Variants in RERE observed in about 807,000 individuals in gnomAD.
RERE encodes the protein arginine-glutamic acid dipeptide repeats.
In RERE, 40 loss-of-function variants were observed where a neutral mutation model predicts 146.1. The ratio of observed to expected loss-of-function variants is 0.27; its 90% CI spans 0.21 to 0.36. The LOEUF is 0.36. Ranked by LOEUF, RERE falls within the 10% of genes least tolerant of loss-of-function variation. RERE has a pLI of 1.00. For synonymous variants in RERE, 1,003 were observed against 866.0 expected, an observed-to-expected ratio of 1.16 and a Z score of -2.78; for missense variants, 1,933 against 2,138.7, an observed-to-expected ratio of 0.90 and a Z score of 1.90.
intron 1 of RERE, among the ~76,000 whole-genome samples, chr1:8,701,000 G>A (rs1283509066): frequency 6.6e-6 from 1 of 152,096 alleles, no homozygotes; most frequent in Non-Finnish European, 1.5e-5. Context: ...TTAAAAGCAA[G>A]CACGGTGGCA....
chr1:8,368,197 C>T (rs190610997), intron 12 of RERE, among the ~76,000 whole-genome samples: 69 of 152,104 alleles, frequency 4.5e-4, no homozygotes, highest in African/African-American at 1.4e-3. Flanking sequence ...TGGCCAGGTG[C>T]GGTGGCTCAC....
intron 12 of RERE, among the ~76,000 whole-genome samples, chr1:8,418,234 T>G (rs560704423): frequency 6.6e-6 from 1 of 152,302 alleles, no homozygotes; most frequent in East Asian, 1.9e-4. Flanking sequence ...GGGAAGTGAA[T>G]GAAAATGAGT....
At chr1:8,784,459 T>C (rs1292499662) in intron 1 of RERE, among the ~76,000 whole-genome samples, 2 of 151,450 alleles carry the variant, frequency 1.3e-5, no homozygotes, top group Non-Finnish European at 3.0e-5. Context: ...TAGGTTTGCT[T>C]GGGGTTTTTT....
intron 1 of RERE, among the ~76,000 whole-genome samples, chr1:8,725,887 C>G (rs1275000434): frequency 6.6e-6 from 1 of 151,986 alleles, no homozygotes; most frequent in Non-Finnish European, 1.5e-5. Flanking sequence ...AACATTAACA[C>G]AGACATTCAC....
rs35349056 is a variant in RERE, at chr1:8,607,725, C to CTTTTTTT, written c.522+6829_522+6835dup. On this transcript the variant is annotated intron_variant, in intron 4 of 22. Transcript: ENST00000400908. ...CACAGCCACACAACACCATATCTGG[C>CTTTTTTT]TTTTTTTTTTTTTTTTTTGAGATGG... 9.9e-4 allele frequency among the ~76,000 whole-genome samples: 92 copies of CTTTTTTT among 92,904 alleles called. 5 individuals are homozygous for CTTTTTTT. The highest frequency in any genetic ancestry group is 4.0e-3 in the African/African-American group (89 of 22,066). 60.9% of individuals were successfully genotyped at this position (92,904 alleles called of 152,430 possible).
chr1:8,357,787 G>A (rs1384629310), intron 20 of RERE, among the ~76,000 whole-genome samples: 3 of 152,264 alleles, frequency 2.0e-5, no homozygotes, highest in Non-Finnish European at 4.4e-5. Context: ...CTCCTCAAGG[G>A]AAGAGGACTG....
chr1:8,386,032 T>G (rs866159067), intron 12 of RERE, among the ~76,000 whole-genome samples: 1 of 79,384 alleles, frequency 1.3e-5, no homozygotes, highest in African/African-American at 8.2e-5. Flanking sequence ...ATTTTTTTTT[T>G]TTTTTTTTTT....
At chr1:8,678,592 C>A in intron 1 of RERE, among the ~76,000 whole-genome samples, 1 of 150,268 alleles carries the variant, frequency 6.7e-6, no homozygotes, top group African/African-American at 2.5e-5. Context: ...ACCTGGGAGG[C>A]GGAGGTTGCA....
chr1:8,487,292 A>G (rs1644914584), intron 10 of RERE, among the ~76,000 whole-genome samples: 1 of 152,200 alleles, frequency 6.6e-6, no homozygotes, highest in South Asian at 2.1e-4. Context: ...GATTAAAAAA[A>G]CAAAGAAAGG....
chr1:8,427,637 TAA>T (rs33996085), intron 11 of RERE, among the ~76,000 whole-genome samples: 23 of 116,326 alleles, frequency 2.0e-4, no homozygotes, highest in African/African-American at 2.6e-4. Context: ...GGCCCCACTT[TAA>T]AAAAAAAAAA....
intron 1 of RERE, among the ~76,000 whole-genome samples, chr1:8,686,880 G>A (rs546638862): frequency 2.0e-5 from 3 of 152,272 alleles, no homozygotes; most frequent in South Asian, 2.1e-4. Context: ...AAAGCGGGAC[G>A]GTGAGCTACA....
chr1:8,493,547 A>G (rs1294293074), intron 10 of RERE, among the ~76,000 whole-genome samples: 2 of 152,220 alleles, frequency 1.3e-5, no homozygotes, highest in African/African-American at 4.8e-5. Flanking sequence ...AGCAAGCTGC[A>G]CAGTAGATTT....
chr1:8,409,598 T>C (rs959704369), intron 12 of RERE, among the ~76,000 whole-genome samples: 7 of 152,224 alleles, frequency 4.6e-5, no homozygotes, highest in Admixed American at 1.3e-4. Flanking sequence ...TTTTTGTTTA[T>C]GAGAGGGCAA....
chr1:8,397,606 C>T (rs1243471519), intron 12 of RERE, among the ~76,000 whole-genome samples: 1 of 149,804 alleles, frequency 6.7e-6, no homozygotes, highest in Non-Finnish European at 1.5e-5. Context: ...AAAAAAAACA[C>T]ATGAAACTGT....
intron 12 of RERE, among the ~76,000 whole-genome samples, chr1:8,397,693 C>T (rs1167045673): frequency 7.2e-5 from 11 of 152,106 alleles, no homozygotes; most frequent in Non-Finnish European, 8.8e-5. Flanking sequence ...CCTTGAGGAT[C>T]CACGCGCCTT....
chr1:8,596,168 G>A (rs12134896), intron 4 of RERE, among the ~76,000 whole-genome samples: 24,668 of 152,124 alleles, frequency 0.16, 2,405 homozygotes, highest in Middle Eastern at 0.25. Context: ...AAAACTATCT[G>A]GCCCCTAATA....
intron 1 of RERE, chr1:8,750,306 T>C (rs1404813064): frequency 1.9e-5 from 11 of 568,022 alleles, no homozygotes; most frequent in Non-Finnish European, 3.4e-5. Context: ...TAACGGAAGA[T>C]GAGGGCTAAG....
intron 4 of RERE, among the ~76,000 whole-genome samples, chr1:8,613,212 T>C (rs746532961): frequency 6.6e-6 from 1 of 152,020 alleles, no homozygotes; most frequent in Non-Finnish European, 1.5e-5. Context: ...TTGCCTAGAG[T>C]AAAAAAGCTT....
chr1:8,397,152 C>A (rs1372743786), intron 12 of RERE, among the ~76,000 whole-genome samples: 1 of 152,202 alleles, frequency 6.6e-6, no homozygotes, highest in African/African-American at 2.4e-5. Flanking sequence ...TGCCCAAGTT[C>A]CAGTTCCAAT....
Sources: allele counts gnomAD v4.1 joint callset (sites outside exome capture counted in the v4.1 genomes callset), GRCh38; gene constraint gnomAD v4.1.1; transcripts MANE v1.5; gene names NCBI Gene and HGNC (gene_info 2026-07-23, HGNC 2026-07-21).